Variants in ZNF730 observed in about 807,000 individuals in gnomAD.
ZNF730 encodes the protein zinc finger protein 730.
ZNF730 carries 12 observed loss-of-function variants against 12.6 expected under a neutral mutation model. The ratio of observed to expected loss-of-function variants is 0.95; its 90% CI spans 0.61 to 1.54. The LOEUF (loss-of-function observed/expected upper bound fraction) is 1.54, where lower values mean the gene tolerates loss of function less well. Ranked by LOEUF, ZNF730 falls within the 40% of genes most tolerant of loss-of-function variation. The probability of loss-of-function intolerance (pLI) is 0.00; values close to 1 mark genes in which losing one functional copy is unlikely to be tolerated. For missense variants in ZNF730, 643 were observed against 583.5 expected (o/e 1.10, Z -1.05); for synonymous variants, 194 against 195.8 (o/e 0.99, Z 0.08).
intron 1 of ZNF730, among the ~76,000 whole-genome samples, chr19:23,075,937 A>G (rs1389317446): frequency 6.6e-6 from 1 of 151,854 alleles, no homozygotes; most frequent in Non-Finnish European, 1.5e-5. Flanking sequence ...TAGATTTTTT[A>G]AATTTATGAA....
intron 3 of ZNF730, among the ~76,000 whole-genome samples, chr19:23,142,734 T>TTA (rs990190853): frequency 1.3e-5 from 2 of 149,284 alleles, no homozygotes; most frequent in African/African-American, 4.9e-5. Context: ...TGAAAGTTAA[T>TTA]TATATATATT....
At chr19:23,092,466 A>G (rs1045138125) in intron 1 of ZNF730, among the ~76,000 whole-genome samples, 4 of 151,922 alleles carry the variant, frequency 2.6e-5, no homozygotes, top group Non-Finnish European at 5.9e-5. Flanking sequence ...GTGCATGCCT[A>G]TAATCCCAGC....
chr19:23,127,568 A>T (rs1037677916), intron 1 of ZNF730: 1 of 920,886 alleles, frequency 1.1e-6, no homozygotes. Context: ...GGAATCATGA[A>T]GCCAGATAAA....
intron 3 of ZNF730, among the ~76,000 whole-genome samples, chr19:23,142,732 A>G (rs563180846): frequency 6.6e-6 from 1 of 150,752 alleles, no homozygotes; most frequent in East Asian, 2.0e-4. Context: ...TTTGAAAGTT[A>G]ATTATATATA....
chr19:23,086,611 A>C (rs1970067598), intron 1 of ZNF730, among the ~76,000 whole-genome samples: 1 of 152,090 alleles, frequency 6.6e-6, no homozygotes, highest in Admixed American at 6.6e-5. Flanking sequence ...TGTGCAGCTT[A>C]ATTTCTGGCC....
chr19:23,135,511 A>AT (rs1385298201), intron 2 of ZNF730, among the ~76,000 whole-genome samples: 1 of 151,528 alleles, frequency 6.6e-6, no homozygotes, highest in Non-Finnish European at 1.5e-5. Flanking sequence ...TCTTTTCTTT[A>AT]TTTTTTTTAT....
chr19:23,118,125 A>C (rs1254590632), intron 1 of ZNF730, among the ~76,000 whole-genome samples: 1 of 152,072 alleles, frequency 6.6e-6, no homozygotes, highest in African/African-American at 2.4e-5. Context: ...TCTAATTCAC[A>C]TTATTATCTG....
intron 1 of ZNF730, among the ~76,000 whole-genome samples, chr19:23,107,626 GAATTCATTAAGCTTTGCATGAATT>G: frequency 6.6e-6 from 1 of 151,476 alleles, no homozygotes; most frequent in East Asian, 1.9e-4. Context: ...TACTTGGTAA[GAATTCATTAAGCTTTGCATGAATT>G]AATGATTTCC....
intron 1 of ZNF730, among the ~76,000 whole-genome samples, chr19:23,131,272 CAG>C (rs773961369): frequency 9.9e-5 from 15 of 152,044 alleles, no homozygotes; most frequent in East Asian, 1.9e-4. Context: ...GACAGAGAAA[CAG>C]AAAAAAATAT....
chr19:23,126,997 G>A, intron 1 of ZNF730: 1 of 504,522 alleles, frequency 2.0e-6, no homozygotes, highest in Non-Finnish European at 3.9e-6. Flanking sequence ...GAAACTTTGA[G>A]AAAAAACTTG....
chr19:23,122,522 T>C (rs1379210122), intron 1 of ZNF730, among the ~76,000 whole-genome samples: 1 of 152,164 alleles, frequency 6.6e-6, no homozygotes, highest in Non-Finnish European at 1.5e-5. Context: ...TGATAAAGAA[T>C]AAAAAAGATA....
chr19:23,085,927 C>A (rs1046757168), intron 1 of ZNF730, among the ~76,000 whole-genome samples: 7 of 146,214 alleles, frequency 4.8e-5, no homozygotes, highest in Non-Finnish European at 7.4e-5. Flanking sequence ...CTCACTGCAG[C>A]CTCCGCCTCC....
At chr19:23,076,664 A>G (rs1028950492) in intron 1 of ZNF730, among the ~76,000 whole-genome samples, 6 of 152,196 alleles carry the variant, frequency 3.9e-5, no homozygotes, top group African/African-American at 1.2e-4. Context: ...GTCTCCTGGT[A>G]TACCATTTGT....
chr19:23,137,372 A>G (rs1208969847), intron 3 of ZNF730, among the ~76,000 whole-genome samples: 1 of 152,088 alleles, frequency 6.6e-6, no homozygotes, highest in Non-Finnish European at 1.5e-5. Flanking sequence ...CTTTCTTTCT[A>G]TATTTTATCA....
chr19:23,096,435 A>G (rs569689046), intron 1 of ZNF730, among the ~76,000 whole-genome samples: 2 of 152,264 alleles, frequency 1.3e-5, no homozygotes, highest in African/African-American at 2.4e-5. Flanking sequence ...ATATCTTTCT[A>G]TTAATCACCT....
chr19:23,138,821 G>A (rs925828798), intron 3 of ZNF730, among the ~76,000 whole-genome samples: 3 of 152,242 alleles, frequency 2.0e-5, no homozygotes, highest in Admixed American at 6.5e-5. Context: ...CAGCCTTAAT[G>A]TACCATGTAG....
In ZNF730 at chr19:23,146,772, A is replaced by G. The variant is rs1971022066; in HGVS notation, c.*216A>G. ...CTTCAACCAATCTTCACACCTTACTACACATAAGATAATTCATACTGGAGA... is the reference window on the plus strand; with the variant it reads ...CTTCAACCAATCTTCACACCTTACTGCACATAAGATAATTCATACTGGAGA... On this transcript the variant is annotated 3_prime_UTR_variant, in exon 4 of 4. Coordinates refer to ENST00000597761, the MANE Select transcript of ZNF730 (RefSeq NM_001277403.2). The G allele has an allele frequency of 6.6e-6, 7 of 1,053,134 alleles. No homozygotes were observed. In the Middle Eastern group the frequency reaches 1.0e-3, roughly 153 times the overall value. The allele number at this position is 1,053,134 out of a possible 1,614,324, so 65.2% of individuals were successfully genotyped here.
In ZNF730 at chr19:23,146,553, A is replaced by G. The variant is rs1417140537; in HGVS notation, c.1509A>G (p.Thr503=). 1.3e-6 allele frequency: 2 copies of G among 1,582,364 alleles called. No individual in the cohort carries two copies. The highest frequency in any genetic ancestry group is 1.7e-6 in the Non-Finnish European group (2 of 1,167,040). ...TTACTAGGCATAAGACAATTCATACATAAAATTGTAAAGACTGTGGCAAAG... is the reference window on the plus strand; with the variant it reads ...TTACTAGGCATAAGACAATTCATACGTAAAATTGTAAAGACTGTGGCAAAG... ...SHLTRHKTIH[T] The change falls in exon 4 of 4, where the codon ACA becomes ACG. Residue 503 remains threonine (T), a synonymous_variant. Transcript: ENST00000597761.
At chr19:23,080,542 GT>G (rs1435082666) in intron 1 of ZNF730, among the ~76,000 whole-genome samples, 2 of 151,772 alleles carry the variant, frequency 1.3e-5, no homozygotes, top group Non-Finnish European at 2.9e-5. Context: ...GCCTGGCTAA[GT>G]TTTTTATTTT....
Sources: allele counts gnomAD v4.1 joint callset (sites outside exome capture counted in the v4.1 genomes callset), GRCh38; gene constraint gnomAD v4.1.1; transcripts MANE v1.5; gene names NCBI Gene and HGNC (gene_info 2026-07-23, HGNC 2026-07-21).